The following CORO7 variants were observed in gnomAD, a reference collection of about 807,000 sequenced individuals.
CORO7 encodes coronin 7, also known as coronin-7.
A neutral mutation model predicts 126.6 loss-of-function variants in CORO7; 107 were observed. That is an observed-to-expected ratio of 0.85 (90% CI 0.72 to 0.99). CORO7 has a LOEUF of 0.99. Among genes scored for constraint, CORO7 ranks in the 50% least tolerant of loss-of-function variants. The pLI, the probability that CORO7 is intolerant of heterozygous loss-of-function variation, is 0.00. For missense variants in CORO7, 1,314 were observed against 1,255.8 expected (o/e 1.05, Z -0.70); for synonymous variants, 603 against 536.8 (o/e 1.12, Z -1.70).
intron 9 of CORO7, chr16:4,382,045 C>T (rs991901693): frequency 1.9e-6 from 3 of 1,592,946 alleles, no homozygotes; most frequent in South Asian, 2.2e-5. Context: ...CACTGAGGCC[C>T]CCAGCCCGCC....
intron 6 of CORO7, among the ~76,000 whole-genome samples, chr16:4,404,836 A>T (rs1481590518): frequency 6.6e-6 from 1 of 151,902 alleles, no homozygotes; most frequent in African/African-American, 2.4e-5. Context: ...CTCCTGCCAC[A>T]CACTGTCCAT....
At chr16:4,409,956 G>A (rs141569513) in intron 3 of CORO7, among the ~76,000 whole-genome samples, 40 of 152,268 alleles carry the variant, frequency 2.6e-4, no homozygotes, top group African/African-American at 9.4e-4. Context: ...CAGTTTCCCG[G>A]CAGGGCTGCT....
chr16:4,403,253 C>T (rs74003294), intron 6 of CORO7, among the ~76,000 whole-genome samples: 365 of 152,302 alleles, frequency 2.4e-3, no homozygotes, highest in African/African-American at 8.4e-3. Context: ...GCTGCCCTAC[C>T]ACAGTCAGGC....
At chr16:4,384,776 G>A (rs1032491455) in intron 9 of CORO7, among the ~76,000 whole-genome samples, 6 of 152,190 alleles carry the variant, frequency 3.9e-5, no homozygotes, top group East Asian at 1.9e-4. Flanking sequence ...AGGCAGCGGC[G>A]GCAGCCCAGG....
At chr16:4,365,687 AC>A in intron 9 of CORO7, 142 bp from the exon 10 acceptor site, 2 of 1,126,372 alleles carry the variant, frequency 1.8e-6, no homozygotes, top group South Asian at 1.6e-5. Context: ...GTCCCCAGGA[AC>A]CCCCTCCTCT....
At position 4,405,444 on chromosome 16, in the gene CORO7, G is replaced by A. The variant is rs141598577; in HGVS notation, c.564+47C>T. ...GCCCAGCCCAGGGGGTCCCAGCCCA[G>A]GAGGCCTGCACAGAGCCCCACAGGG... On this transcript the variant is annotated intron_variant, in intron 6 of 27. Coordinates refer to ENST00000251166, the MANE Select transcript of CORO7 (RefSeq NM_024535.5). 866 of 1,574,086 alleles carry A rather than the reference G, an allele frequency of 5.5e-4. 3 individuals are homozygous for A. In the African/African-American group the frequency reaches 0.011, roughly 19 times the overall value.
rs761424710 is a variant in CORO7 at position 4,364,940 on chromosome 16, G to A, written c.899-20C>T. On this transcript the variant is annotated intron_variant, in intron 11 of 27. Coordinates refer to ENST00000251166, the MANE Select transcript of CORO7 (RefSeq NM_024535.5). ...GGGTCACTGTTGAGGACACCATAGG[G>A]GAACAGGCAGGATGGGCAGGGGAGG... is the stretch of plus-strand genomic sequence containing the variant. 1 of 1,609,056 alleles carries A rather than the reference G, an allele frequency of 6.2e-7. No homozygotes were observed. Among genetic ancestry groups the A allele is most frequent in the Admixed American group, 1.7e-5 (1 of 59,474 alleles).
At chr16:4,360,794 C>T (rs1446693004) in intron 19 of CORO7, 149 bp downstream of exon 19, 1 of 1,473,886 alleles carries the variant, frequency 6.8e-7, no homozygotes, top group East Asian at 2.5e-5. Flanking sequence ...ACTGGCCCCC[C>T]TCTCCTCACT....
intron 3 of CORO7, among the ~76,000 whole-genome samples, chr16:4,411,796 G>A (rs2056221391): frequency 6.6e-6 from 1 of 152,186 alleles, no homozygotes; most frequent in Non-Finnish European, 1.5e-5. Context: ...TGGACAGTGA[G>A]AGGCGAGGCC....
At chr16:4,380,676 A>G (rs2054923580) in intron 9 of CORO7, among the ~76,000 whole-genome samples, 1 of 152,218 alleles carries the variant, frequency 6.6e-6, no homozygotes, top group Non-Finnish European at 1.5e-5. Flanking sequence ...GTGCATTGAC[A>G]AGGTCACACA....
intron 26 of CORO7, 119 bp from the exon 27 acceptor site, chr16:4,355,491 G>C: frequency 1.8e-6 from 2 of 1,091,808 alleles, no homozygotes; most frequent in Non-Finnish European, 2.6e-6. Flanking sequence ...TTTAGACGGA[G>C]TCTTGCTCTG....
intron 16 of CORO7, 116 bp from the exon 17 acceptor site, chr16:4,361,585 C>T (rs1173166610): frequency 1.6e-6 from 2 of 1,245,622 alleles, no homozygotes; most frequent in East Asian, 5.1e-5. Flanking sequence ...GAGGCTCCCA[C>T]CGCTGGGTGA....
In CORO7 at chr16:4,357,160, A is replaced by T. The variant is rs770528848; in HGVS notation, c.2685+8T>A. The T allele has an allele frequency of 1.4e-5, 22 of 1,613,556 alleles. No individual in the cohort carries two copies. The highest frequency in any genetic ancestry group is 1.6e-5 in the Non-Finnish European group (19 of 1,179,962). On this transcript the variant is annotated splice_region_variant and intron_variant, in intron 26 of 27. Coordinates refer to ENST00000251166, the MANE Select transcript of CORO7 (RefSeq NM_024535.5). ...CACCTCCGCACAGCTGCTCTCTCCC[A>T]TGCCTACCTCCTCCTTCTTTTGCTG... is the stretch of plus-strand genomic sequence containing the variant.
rs771098670 is a variant in CORO7 at position 4,362,361 on chromosome 16, G to A, written c.1403-201C>T. Among the ~76,000 whole-genome samples, 14 of 152,168 alleles carry A rather than the reference G, an allele frequency of 9.2e-5. No homozygotes were observed. Among genetic ancestry groups the A allele is most frequent in the Non-Finnish European group, 1.9e-4 (13 of 68,028 alleles). On this transcript the variant is annotated intron_variant, in intron 15 of 27. Coordinates refer to ENST00000251166, the MANE Select transcript of CORO7 (RefSeq NM_024535.5). The surrounding 1 kb of genome is among the most constrained non-coding windows in gnomAD (Gnocchi z 5.3). ...GATATACCCTGTTCCATGGTGGCTC[G>A]GGGAATCTTGGTGGAGCCCAGGGCT...
At chr16:4,382,875 C>A in intron 9 of CORO7, 1 of 1,552,728 alleles carries the variant, frequency 6.4e-7, no homozygotes, top group Non-Finnish European at 8.7e-7. Context: ...TCCAGTCACC[C>A]CTCCACGCAA....
Position 4,358,215 on chromosome 16 carries a change from C to A in CORO7, c.2458-112G>T, listed in dbSNP as rs577531179. 4.7e-5 allele frequency: 73 copies of A among 1,538,742 alleles called. No homozygotes were observed. In the African/African-American group the frequency reaches 8.9e-4, roughly 19 times the overall value. On this transcript the variant is annotated intron_variant, in intron 24 of 27. Coordinates refer to ENST00000251166, the MANE Select transcript of CORO7 (RefSeq NM_024535.5). ...CTGGGACCCTCCCACCAGCCTGGGG[C>A]TTCCATGAGTTTCAGCATCTCAGCA...
In CORO7 at chr16:4,364,904, C is replaced by T; in HGVS notation, c.915G>A (p.Leu305=). ...GGGCAGCCCCACGCAGCACGCTCTC[C>T]AGGACACACTGGGTCACTGTTGAGG... ...PALSPVTQCV[L]ESVLRGAALV... is the part of the protein sequence containing the mutation. Residue 305 remains leucine, a synonymous_variant, in exon 12 of 28, where the codon CTG becomes CTA. Transcript: ENST00000251166. 3.7e-6 allele frequency: 6 copies of T among 1,610,970 alleles called. No homozygotes were observed. The highest frequency in any genetic ancestry group is 5.1e-6 in the Non-Finnish European group (6 of 1,179,184).
intron 6 of CORO7, among the ~76,000 whole-genome samples, chr16:4,398,727 G>A (rs111544506): frequency 2.0e-5 from 3 of 151,774 alleles, no homozygotes; most frequent in Non-Finnish European, 2.9e-5. Context: ...CCCAGCACTT[G>A]GGGAGGCCAA....
chr16:4,363,699 G>A (rs1261387292), intron 14 of CORO7, among the ~76,000 whole-genome samples: 3 of 149,034 alleles, frequency 2.0e-5, no homozygotes, highest in Non-Finnish European at 4.4e-5. Context: ...ACGACAGGGC[G>A]AGACTCATCT....
Sources: gnomAD v4.1 joint callset for allele counts (sites outside exome capture counted in the v4.1 genomes callset) on GRCh38, gnomAD v4.1.1 for gene constraint, Gnocchi (gnomAD v3.1) non-coding constraint, MANE v1.5 for transcripts, NCBI Gene and HGNC (gene_info 2026-07-23, HGNC 2026-07-21) for gene names.